Variants in SLC26A4 observed in about 807,000 individuals in gnomAD.
SLC26A4 encodes solute carrier family 26 member 4.
In SLC26A4, 93 loss-of-function variants were observed where a neutral mutation model predicts 90.4. The ratio of observed to expected loss-of-function variants is 1.03; its 90% CI spans 0.87 to 1.22. SLC26A4 has a LOEUF of 1.22. SLC26A4 is among the 50% of genes most tolerant of loss of function. The pLI, the probability that SLC26A4 is intolerant of heterozygous loss-of-function variation, is 0.00. For missense variants in SLC26A4, 1,127 were observed against 946.2 expected (o/e 1.19, Z -2.51); for synonymous variants, 393 against 354.6 (o/e 1.11, Z -1.22).
rs1017281971 is a variant in SLC26A4 at position 107,662,000 on chromosome 7, G to C, written c.164+195G>C. 3 of 625,566 alleles carry C rather than the reference G, an allele frequency of 4.8e-6. No individual in the cohort carries two copies. The highest frequency in any genetic ancestry group is 3.7e-5 in the African/African-American group (2 of 53,478). The allele number at this position is 625,566 out of a possible 1,614,324, so 38.8% of individuals were successfully genotyped here. On this transcript the variant is annotated intron_variant, in intron 2 of 20. Coordinates refer to ENST00000644269, the MANE Select transcript of SLC26A4 (RefSeq NM_000441.2). This position sits in a 1 kb window ranked among gnomAD's most constrained non-coding sequence, Gnocchi z 5.1. Reference sequence around the variant, plus strand: ...TTCTGGTGGGAGGGTGGCTCCATCAGTCTCGGGCCCGAAATGAACTTACCT... The same window carrying C: ...TTCTGGTGGGAGGGTGGCTCCATCACTCTCGGGCCCGAAATGAACTTACCT...
chr7:107,679,420 A>G (rs1005328326), intron 6 of SLC26A4, among the ~76,000 whole-genome samples: 1 of 152,220 alleles, frequency 6.6e-6, no homozygotes, highest in Non-Finnish European at 1.5e-5. Context: ...GTGGTCGTGA[A>G]GCATTTGTGA....
In SLC26A4 at chr7:107,672,161, G is replaced by T. The variant is rs532132864; in HGVS notation, c.328G>T (p.Ala110Ser). 3.1e-6 allele frequency: 5 copies of T among 1,612,086 alleles called. No individual in the cohort carries two copies. In the African/African-American group the frequency reaches 6.7e-5, roughly 22 times the overall value. Reference sequence around the variant, plus strand: ...AGGGATGGCATATGCCCTACTAGCTGCAGTTCCTGTCGGATATGGTCTCTA... The same window carrying T: ...AGGGATGGCATATGCCCTACTAGCTTCAGTTCCTGTCGGATATGGTCTCTA... Reference protein sequence around the residue: ...LQGMAYALLAAVPVGYGLYSA... With the variant: ...LQGMAYALLASVPVGYGLYSA... The change falls in exon 4 of 21, where the codon GCA becomes TCA. Residue 110 changes from alanine (A) to serine (S), a missense_variant. Physicochemically the swap from Ala to Ser is moderately conservative, Grantham distance 99. Coordinates refer to ENST00000644269, the MANE Select transcript of SLC26A4 (RefSeq NM_000441.2).
chr7:107,702,100 A>G, intron 17 of SLC26A4, 43 bp downstream of exon 17: 1 of 1,306,638 alleles, frequency 7.7e-7, no homozygotes, highest in East Asian at 2.3e-5. Context: ...GAGCTTTGGC[A>G]ATAGTAAAAT....
chr7:107,678,861 A>G (rs1156937906), intron 6 of SLC26A4, among the ~76,000 whole-genome samples: 1 of 152,228 alleles, frequency 6.6e-6, no homozygotes, highest in African/African-American at 2.4e-5. Flanking sequence ...GAATCCTTCA[A>G]TAAATGCAGA....
At chr7:107,703,871 C>A (rs1277513704) in intron 17 of SLC26A4, among the ~76,000 whole-genome samples, 1 of 152,142 alleles carries the variant, frequency 6.6e-6, no homozygotes, top group Non-Finnish European at 1.5e-5. Context: ...ATCCTATATA[C>A]CCCTTACCCA....
At chr7:107,710,725 G>A (rs1792162223) in intron 19 of SLC26A4, among the ~76,000 whole-genome samples, 1 of 152,170 alleles carries the variant, frequency 6.6e-6, no homozygotes. Flanking sequence ...CACAACAGTA[G>A]CGCATCTGGC....
chr7:107,708,466 G>T (rs529450671), intron 18 of SLC26A4, among the ~76,000 whole-genome samples: 1 of 151,860 alleles, frequency 6.6e-6, no homozygotes, highest in South Asian at 2.1e-4. Flanking sequence ...CTACCTAGTG[G>T]TTCCTTCCTG....
intron 20 of SLC26A4, among the ~76,000 whole-genome samples, chr7:107,714,214 C>G (rs1055561487): frequency 6.6e-6 from 1 of 152,200 alleles, no homozygotes; most frequent in African/African-American, 2.4e-5. Context: ...GCATGAGCCA[C>G]CACATTGGCC....
chr7:107,694,101 G>A (rs562559396), intron 10 of SLC26A4, among the ~76,000 whole-genome samples: 11 of 152,268 alleles, frequency 7.2e-5, no homozygotes, highest in East Asian at 5.8e-4. Context: ...CTGAATGGAC[G>A]CCGAAACCGC....
At chr7:107,714,324 T>A (rs1194828640) in intron 20 of SLC26A4, among the ~76,000 whole-genome samples, 1 of 152,196 alleles carries the variant, frequency 6.6e-6, no homozygotes, top group Non-Finnish European at 1.5e-5. Context: ...CTCTGCCTTT[T>A]TCTAGGTCTT....
intron 19 of SLC26A4, among the ~76,000 whole-genome samples, chr7:107,711,229 A>G (rs534858422): frequency 6.6e-6 from 1 of 152,236 alleles, no homozygotes; most frequent in African/African-American, 2.4e-5. Context: ...AACTTTTTCT[A>G]TCCAACTTAA....
intron 3 of SLC26A4, among the ~76,000 whole-genome samples, chr7:107,669,917 A>C (rs181220231): frequency 1.3e-5 from 2 of 152,150 alleles, no homozygotes; most frequent in Non-Finnish European, 2.9e-5. Context: ...ATTCAGGATA[A>C]TTGTTGCCTT....
intron 6 of SLC26A4, among the ~76,000 whole-genome samples, chr7:107,675,893 A>C (rs943087942): frequency 6.6e-6 from 1 of 152,104 alleles, no homozygotes; most frequent in African/African-American, 2.4e-5. Context: ...ACATTTCTCT[A>C]TGCATACTTT....
In SLC26A4 at chr7:107,663,393, G is replaced by A. The variant is rs779745819; in HGVS notation, c.262G>A (p.Val88Ile). Residue 88 changes from valine to isoleucine, a missense_variant, in exon 3 of 21, where the codon GTC (valine) becomes ATC (isoleucine). Physicochemically the swap from Val to Ile is conservative, Grantham distance 29 (BLOSUM62 3). Transcript: ENST00000644269. ...AGTCAAGGAATGGCTGCTTAGTGAC[G>A]TCATTTCGGGAGTTAGTACTGGGCT... Reference protein sequence around the residue: ...YRVKEWLLSDVISGVSTGLVA... With the variant: ...YRVKEWLLSDIISGVSTGLVA... 1.1e-5 allele frequency: 18 copies of A among 1,613,940 alleles called. No homozygotes were observed. The highest frequency in any genetic ancestry group is 4.0e-5 in the African/African-American group (3 of 74,888).
At chr7:107,680,932 A>T (rs1366775516) in intron 6 of SLC26A4, among the ~76,000 whole-genome samples, 1 of 152,156 alleles carries the variant, frequency 6.6e-6, no homozygotes, top group African/African-American at 2.4e-5. Context: ...TCCTGAATTA[A>T]TTAGGGTCAT....
chr7:107,676,980 C>G (rs1307356031), intron 6 of SLC26A4, among the ~76,000 whole-genome samples: 2 of 152,112 alleles, frequency 1.3e-5, no homozygotes, highest in Non-Finnish European at 2.9e-5. Flanking sequence ...TCAAGATCAG[C>G]TTGGGCAACA....
chr7:107,711,136 C>T (rs1792173609), intron 19 of SLC26A4, among the ~76,000 whole-genome samples: 1 of 144,010 alleles, frequency 6.9e-6, no homozygotes, highest in South Asian at 2.2e-4. Flanking sequence ...AGCTGTGGAT[C>T]TTAAATATAA....
intron 10 of SLC26A4, chr7:107,692,186 A>G (rs1031281730): frequency 1.3e-4 from 104 of 777,606 alleles, no homozygotes; most frequent in Non-Finnish European, 1.7e-4. Flanking sequence ...ATATTTAGGA[A>G]TGAAGGATGC....
chr7:107,711,347 T>C (rs1157723136), intron 19 of SLC26A4, among the ~76,000 whole-genome samples: 2 of 152,170 alleles, frequency 1.3e-5, no homozygotes, highest in African/African-American at 2.4e-5. Flanking sequence ...TTTCTCAACA[T>C]GAAAGCAGTT....
Sources: gnomAD v4.1 joint callset for allele counts (sites outside exome capture counted in the v4.1 genomes callset) on GRCh38, gnomAD v4.1.1 for gene constraint, Gnocchi (gnomAD v3.1) non-coding constraint, MANE v1.5 for transcripts, NCBI Gene and HGNC (gene_info 2026-07-23, HGNC 2026-07-21) for gene names.